Variants in MESP1 observed in about 807,000 individuals in gnomAD.
MESP1 encodes the protein mesoderm posterior bHLH transcription factor 1.
In MESP1, 22 loss-of-function variants were observed where a neutral mutation model predicts 15.2. The ratio of observed to expected loss-of-function variants is 1.45; its 90% CI spans 1.04 to 2.07. The LOEUF (loss-of-function observed/expected upper bound fraction) is 2.07, where lower values mean the gene tolerates loss of function less well. Ranked by LOEUF, MESP1 falls within the 30% of genes most tolerant of loss-of-function variation. MESP1 has a pLI of 0.00. For synonymous variants in MESP1, 216 were observed against 192.6 expected, an observed-to-expected ratio of 1.12 and a Z score of -1.01; for missense variants, 484 against 411.9, an observed-to-expected ratio of 1.17 and a Z score of -1.51.
chr15:89,741,144 A>T, the MESP1 span, among the ~76,000 whole-genome samples: 1 of 151,800 alleles, frequency 6.6e-6, no homozygotes, highest in Non-Finnish European at 1.5e-5. Flanking sequence ...TGTCTCAAAA[A>T]AAATAAATAA....
the MESP1 span, chr15:89,737,760 T>G: frequency 1.2e-6 from 2 of 1,613,004 alleles, no homozygotes; most frequent in Non-Finnish European, 1.7e-6. Context: ...TGATGCCCAC[T>G]GACCATTTCC....
At chr15:89,733,335 C>G in the MESP1 span, 1 of 957,218 alleles carries the variant, frequency 1.0e-6, no homozygotes, top group Non-Finnish European at 1.5e-6. Context: ...ATAGTCATCA[C>G]TCTCCTGGTG....
At chr15:89,746,144 G>GC (rs973387959), downstream of MESP1, among the ~76,000 whole-genome samples, 5 of 117,258 alleles carry the variant, frequency 4.3e-5, no homozygotes, top group African/African-American at 1.7e-4. Context: ...CATCCACACA[G>GC]CATCCACACA....
At chr15:89,745,142 G>A (rs534375689), downstream of MESP1, among the ~76,000 whole-genome samples, 10 of 152,326 alleles carry the variant, frequency 6.6e-5, no homozygotes, top group East Asian at 1.9e-3. The surrounding 1 kb of genome is among the most constrained non-coding windows in gnomAD (Gnocchi z 4.8). Flanking sequence ...CGGCCCAGCA[G>A]AGGCAGCAGG....
At chr15:89,743,899 G>A in the MESP1 span, among the ~76,000 whole-genome samples, 1 of 152,352 alleles carries the variant, frequency 6.6e-6, no homozygotes, top group African/African-American at 2.4e-5. Context: ...AAGGGCCTGA[G>A]GCCACACAGG....
At chr15:89,738,840 C>T in the MESP1 span, among the ~76,000 whole-genome samples, 1 of 151,670 alleles carries the variant, frequency 6.6e-6, no homozygotes, top group African/African-American at 2.4e-5. Flanking sequence ...TTAGGCCAGG[C>T]CCGGTGGCTC....
chr15:89,738,176 A>G, the MESP1 span: 1 of 1,614,166 alleles, frequency 6.2e-7, no homozygotes, highest in Non-Finnish European at 8.5e-7. Flanking sequence ...GACTTGGATA[A>G]CATGGCCTTC....
chr15:89,742,313 A>C, the MESP1 span, among the ~76,000 whole-genome samples: 1 of 152,112 alleles, frequency 6.6e-6, no homozygotes, highest in Non-Finnish European at 1.5e-5. Context: ...AATCAAAGCT[A>C]TGGTCATTGT....
At chr15:89,733,348 C>T in the MESP1 span, 4 of 851,502 alleles carry the variant, frequency 4.7e-6, no homozygotes, top group Admixed American at 5.8e-5. Context: ...TCCTGGTGAG[C>T]TTCTGAAGAT....
At chr15:89,750,295 G>A (rs530114531) in intron 1 of MESP1, 68 bp from the exon 2 acceptor site, 1 of 1,592,896 alleles carries the variant, frequency 6.3e-7, no homozygotes, top group Non-Finnish European at 8.6e-7. Flanking sequence ...CCGCGCTCGT[G>A]GGCTCCACTC....
chr15:89,748,384 T>G (rs1968014742), downstream of MESP1, among the ~76,000 whole-genome samples: 1 of 152,166 alleles, frequency 6.6e-6, no homozygotes, highest in Non-Finnish European at 1.5e-5. Flanking sequence ...GGGTGTGCCC[T>G]GCCTGGCCTG....
At chr15:89,747,591 C>A (rs1310099944), downstream of MESP1, among the ~76,000 whole-genome samples, 1 of 152,132 alleles carries the variant, frequency 6.6e-6, no homozygotes, top group Admixed American at 6.5e-5. Context: ...CCTGACTGGG[C>A]CTCAGGGGAG....
rs750282469 is a variant in MESP1, at chr15:89,750,847, C to G, written c.385G>C (p.Ala129Pro). ...SLTKIETLRLAIRYIGHLSAV... is the reference protein window; with the variant it reads ...SLTKIETLRLPIRYIGHLSAV... ...GACAGGTGGCCGATATAGCGGATAGCCAGGCGCAGCGTCTCGATCTTGGTC... is the reference window on the plus strand; with the variant it reads ...GACAGGTGGCCGATATAGCGGATAGGCAGGCGCAGCGTCTCGATCTTGGTC... Residue 129 changes from alanine (A) to proline (P), a missense_variant, in exon 1 of 2, where the codon GCT becomes CCT. By Grantham distance (27) the Ala-to-Pro change is conservative. Coordinates refer to ENST00000300057, the MANE Select transcript of MESP1 (RefSeq NM_018670.4). 2.0e-6 allele frequency: 3 copies of G among 1,530,774 alleles called. No individual in the cohort carries two copies. The highest frequency in any genetic ancestry group is 1.2e-5 in the South Asian group (1 of 83,874). 94.8% of individuals were successfully genotyped at this position (1,530,774 alleles called of 1,614,324 possible). A position where few individuals can be genotyped will look rare whatever the true frequency, so the allele number is the denominator to read the frequency against.
chr15:89,751,033 G>A lies in MESP1; in HGVS notation c.199C>T (p.Pro67Ser), dbSNP rs546520433. 6.0e-6 allele frequency: 8 copies of A among 1,338,966 alleles called. No individual in the cohort carries two copies. In the East Asian group the frequency reaches 1.5e-4, roughly 25 times the overall value. The allele number at this position is 1,338,966 out of a possible 1,614,324, so 82.9% of individuals were successfully genotyped here. ...CGCGCGCCGCGCCTACCTACGGAGGGGGCGCGGGGGTCCCGGAGGGTGCCT... is the reference window on the plus strand; with the variant it reads ...CGCGCGCCGCGCCTACCTACGGAGGAGGCGCGGGGGTCCCGGAGGGTGCCT... Reference protein sequence around the residue: ...RPGTLRDPRAPSVGRRGARSS... With the variant: ...RPGTLRDPRASSVGRRGARSS... Residue 67 changes from proline to serine, a missense_variant, in exon 1 of 2, where the codon CCC becomes TCC. Pro to Ser is a moderately conservative substitution (Grantham distance 74). Coordinates refer to ENST00000300057, the MANE Select transcript of MESP1 (RefSeq NM_018670.4).
At chr15:89,737,478 C>T in the MESP1 span, 4 of 1,500,988 alleles carry the variant, frequency 2.7e-6, no homozygotes, top group East Asian at 6.8e-5. Flanking sequence ...TGTCCAGCTG[C>T]TTCTCTCATT....
At chr15:89,750,365 T>C (rs1968059669) in intron 1 of MESP1, 138 bp from the exon 2 acceptor site, 2 of 1,488,412 alleles carry the variant, frequency 1.3e-6, no homozygotes, top group Non-Finnish European at 1.8e-6. Context: ...CTGCCTTCGC[T>C]TCTTGGAGCC....
chr15:89,732,754 C>A, the MESP1 span, among the ~76,000 whole-genome samples: 2 of 152,138 alleles, frequency 1.3e-5, no homozygotes, highest in Non-Finnish European at 2.9e-5. Flanking sequence ...CCAGTGCTGA[C>A]CCTGCCCTCC....
At chr15:89,734,296 C>G in the MESP1 span, among the ~76,000 whole-genome samples, 44 of 152,158 alleles carry the variant, frequency 2.9e-4, no homozygotes, top group Non-Finnish European at 8.8e-5. Flanking sequence ...ACTGGTCTCA[C>G]CTGGGCTCTC....
In MESP1 at chr15:89,750,641, G is replaced by C; in HGVS notation, c.591C>G (p.Ala197=). 5 of 1,373,418 alleles carry C rather than the reference G, an allele frequency of 3.6e-6. No homozygotes were observed. The highest frequency in any genetic ancestry group is 4.7e-6 in the Non-Finnish European group (5 of 1,072,594). The allele number at this position is 1,373,418 out of a possible 1,614,324, so 85.1% of individuals were successfully genotyped here. ...CAGGCGGGGATCCCCAGGACGCCCCGGCGCGGACGGCGGATACCAGGCCCA... is the reference window on the plus strand; with the variant it reads ...CAGGCGGGGATCCCCAGGACGCCCCCGCGCGGACGGCGGATACCAGGCCCA... ...RGLGLVSAVR[A]GASWGSPPAC... The change falls in exon 1 of 2, where the codon GCC becomes GCG. Residue 197 remains alanine, a synonymous_variant. Transcript: ENST00000300057.
Sources: gnomAD v4.1 joint callset for allele counts (sites outside exome capture counted in the v4.1 genomes callset) on GRCh38, gnomAD v4.1.1 for gene constraint, Gnocchi (gnomAD v3.1) non-coding constraint, MANE v1.5 for transcripts, NCBI Gene and HGNC (gene_info 2026-07-23, HGNC 2026-07-21) for gene names.